The following IL23R variants were observed in gnomAD, a reference collection of about 807,000 sequenced individuals.
IL23R encodes the protein interleukin 23 receptor.
IL23R carries 34 observed loss-of-function variants against 56.9 expected under a neutral mutation model. That is an observed-to-expected ratio of 0.60 (90% CI 0.45 to 0.80). IL23R has a LOEUF of 0.80. IL23R is among the 30% of genes least tolerant of loss of function. The pLI is 0.00. For synonymous variants in IL23R, 230 were observed against 249.2 expected (o/e 0.92, Z 0.73); for missense variants, 635 against 730.0 (o/e 0.87, Z 1.50).
chr1:67,196,156 C>T (rs1292407574), intron 4 of IL23R: 4 of 152,280 alleles, frequency 2.6e-5, no homozygotes, highest in Non-Finnish European at 4.4e-5. Context: ...CTCAACAGCA[C>T]AAACAGTGTA....
chr1:67,233,195 CAA>C (rs34125353), intron 7 of IL23R, among the ~76,000 whole-genome samples: 802 of 53,642 alleles, frequency 0.015, 9 homozygotes, highest in African/African-American at 0.059. Flanking sequence ...CTAAAAATTC[CAA>C]AAAAAAAAAA....
intron 4 of IL23R, among the ~76,000 whole-genome samples, chr1:67,189,120 TAGAA>T (rs1381282300): frequency 1.3e-5 from 2 of 152,208 alleles, no homozygotes; most frequent in Non-Finnish European, 2.9e-5. Context: ...TGTGCTCTAA[TAGAA>T]AGACTTATTT....
At chr1:67,262,931 A>G (rs1653236856), downstream of IL23R, among the ~76,000 whole-genome samples, 1 of 152,070 alleles carries the variant, frequency 6.6e-6, no homozygotes, top group Non-Finnish European at 1.5e-5. Context: ...GGACAACACT[A>G]ATGCTGACTA....
chr1:67,200,946 T>C (rs1648583529), intron 5 of IL23R, 49 bp downstream of exon 5: 1 of 1,583,404 alleles, frequency 6.3e-7, no homozygotes, highest in African/African-American at 1.3e-5. Context: ...CAGTTTGTGC[T>C]GACCTTGTCA....
At chr1:67,183,661 A>C (rs6588247) in intron 4 of IL23R, among the ~76,000 whole-genome samples, 134,405 of 152,246 alleles carry the variant, frequency 0.88, 59,389 homozygotes, top group East Asian at 1. Flanking sequence ...AAAATAAAAC[A>C]TAACACACAG....
intron 5 of IL23R, among the ~76,000 whole-genome samples, chr1:67,205,889 TTC>T (rs1473541176): frequency 3.6e-5 from 4 of 111,784 alleles, no homozygotes; most frequent in African/African-American, 1.2e-4. Flanking sequence ...CTTTCTTTCT[TTC>T]TTTCTTTCTT....
chr1:67,242,729 A>G (rs1221828032), intron 9 of IL23R, among the ~76,000 whole-genome samples: 1 of 152,194 alleles, frequency 6.6e-6, no homozygotes, highest in African/African-American at 2.4e-5. Context: ...TAGATTGTGA[A>G]GGGGTTGATT....
At chr1:67,254,314 C>T (rs1180832125) in intron 9 of IL23R, among the ~76,000 whole-genome samples, 1 of 152,006 alleles carries the variant, frequency 6.6e-6, no homozygotes, top group East Asian at 1.9e-4. Context: ...AGTGATCTGC[C>T]TGTCTTTGCC....
Position 67,259,372 on chromosome 1 carries a change from T to C in IL23R, c.*244T>C. The C allele has an allele frequency of 2.0e-6, 1 of 493,980 alleles. No individual in the cohort carries two copies. Among genetic ancestry groups the C allele is most frequent in the Non-Finnish European group, 3.7e-6 (1 of 273,224 alleles). The allele number at this position is 493,980 out of a possible 1,614,324, so 30.6% of individuals were successfully genotyped here. ...CAGAGTAGTGACATTTCTGTGCTCC[T>C]ACCATCACCATGTAAGAATTCCCGG... On this transcript the variant is annotated 3_prime_UTR_variant, in exon 11 of 11. Transcript: ENST00000347310.
At chr1:67,170,862 C>A (rs559412710) in intron 3 of IL23R, among the ~76,000 whole-genome samples, 50 of 152,206 alleles carry the variant, frequency 3.3e-4, no homozygotes, top group South Asian at 8.3e-4. Flanking sequence ...TATAATGAGG[C>A]CATTGTCCTA....
chr1:67,169,800 T>G (rs1646919743), intron 3 of IL23R, among the ~76,000 whole-genome samples, 162 bp downstream of exon 3: 1 of 152,128 alleles, frequency 6.6e-6, no homozygotes, highest in South Asian at 2.1e-4. Flanking sequence ...GCCAGGTTGG[T>G]GAACTATATG....
At chr1:67,222,117 T>C (rs1217575060) in intron 7 of IL23R, among the ~76,000 whole-genome samples, 6 of 126,458 alleles carry the variant, frequency 4.7e-5, no homozygotes, top group African/African-American at 1.2e-4. Flanking sequence ...TTTTTTTTTT[T>C]TTTTTTTTTT....
At chr1:67,174,655 C>A (rs1224384299) in intron 3 of IL23R, among the ~76,000 whole-genome samples, 3 of 151,966 alleles carry the variant, frequency 2.0e-5, no homozygotes, top group Non-Finnish European at 2.9e-5. Context: ...TTAACAAACA[C>A]TCAATATTTC....
chr1:67,198,230 T>G (rs1192983741), intron 4 of IL23R, among the ~76,000 whole-genome samples: 1 of 152,116 alleles, frequency 6.6e-6, no homozygotes, highest in Non-Finnish European at 1.5e-5. Context: ...TTGGAGAGGA[T>G]GAGGGTGGAA....
chr1:67,163,496 A>AAAAAG (rs1558221020), upstream of IL23R, among the ~76,000 whole-genome samples: 10 of 142,910 alleles, frequency 7.0e-5, no homozygotes, highest in African/African-American at 2.6e-4. Flanking sequence ...AAAAAAAAAA[A>AAAAAG]AAGACAGAAA....
chr1:67,141,352 A>G (rs536883666), intron 1 of IL23R, among the ~76,000 whole-genome samples: 2 of 152,324 alleles, frequency 1.3e-5, no homozygotes, highest in South Asian at 4.1e-4. Context: ...CCAACAAGTT[A>G]TTAAAACACT....
chr1:67,166,630 C>A (rs900316103), intron 1 of IL23R, 89 bp downstream of exon 1: 3 of 152,294 alleles, frequency 2.0e-5, no homozygotes, highest in Admixed American at 6.5e-5. Flanking sequence ...CTTGCAAGTT[C>A]TCATGATATT....
intron 3 of IL23R, among the ~76,000 whole-genome samples, chr1:67,181,961 G>C (rs1647150596): frequency 6.6e-6 from 1 of 152,198 alleles, no homozygotes; most frequent in South Asian, 2.1e-4. Flanking sequence ...TTGGTGAACA[G>C]CAAATGTTGC....
chr1:67,164,671 TA>T (rs1324571278), upstream of IL23R, among the ~76,000 whole-genome samples: 2 of 150,616 alleles, frequency 1.3e-5, no homozygotes, highest in African/African-American at 5.0e-5. Context: ...TAAAATAAAA[TA>T]AAATAAAACA....
Sources: allele counts gnomAD v4.1 joint callset (sites outside exome capture counted in the v4.1 genomes callset), GRCh38; gene constraint gnomAD v4.1.1; transcripts MANE v1.5; gene names NCBI Gene and HGNC (gene_info 2026-07-23, HGNC 2026-07-21).